Variants in GRIN2B observed in about 807,000 individuals in gnomAD.
GRIN2B encodes the protein glutamate receptor ionotropic, NMDA 2B.
In GRIN2B, 5 loss-of-function variants were observed where a neutral mutation model predicts 114.5. The ratio of observed to expected loss-of-function variants is 0.04; its 90% confidence interval spans 0.02 to 0.09. The LOEUF (loss-of-function observed/expected upper bound fraction) is 0.09, where lower values mean the gene tolerates loss of function less well. Among genes scored for constraint, GRIN2B ranks in the 10% least tolerant of loss-of-function variants. The probability of loss-of-function intolerance (pLI) is 1.00; values close to 1 mark genes in which losing one functional copy is unlikely to be tolerated. For missense variants in GRIN2B, 1,108 were observed against 1,943.5 expected (o/e 0.57, Z 8.08); for synonymous variants, 787 against 745.1 (o/e 1.06, Z -0.92).
chr12:13,781,626 T>G (rs1312710689), intron 3 of GRIN2B, among the ~76,000 whole-genome samples: 1 of 152,196 alleles, frequency 6.6e-6, no homozygotes, highest in African/African-American at 2.4e-5. Context: ...CTGCCTGAGA[T>G]GTATAATGCA....
intron 10 of GRIN2B, among the ~76,000 whole-genome samples, chr12:13,580,580 T>C (rs566365306): frequency 5.9e-5 from 9 of 152,358 alleles, no homozygotes; most frequent in African/African-American, 2.2e-4. Context: ...GAGATGTGAA[T>C]GGCTTTGGGC....
chr12:13,820,763 T>G (rs1468455646), intron 3 of GRIN2B, among the ~76,000 whole-genome samples: 2 of 152,180 alleles, frequency 1.3e-5, no homozygotes, highest in African/African-American at 2.4e-5. Context: ...AAGGAAATCC[T>G]TCCTCCTTTT....
intron 2 of GRIN2B, among the ~76,000 whole-genome samples, chr12:13,908,740 A>G (rs1238742897): frequency 6.6e-6 from 1 of 152,208 alleles, no homozygotes; most frequent in Non-Finnish European, 1.5e-5. Context: ...CTCAAGTTAA[A>G]TAACACTACT....
intron 3 of GRIN2B, among the ~76,000 whole-genome samples, chr12:13,861,019 A>G (rs1865742743): frequency 6.6e-6 from 1 of 152,192 alleles, no homozygotes; most frequent in South Asian, 2.1e-4. Flanking sequence ...GTACTGCCCT[A>G]AAATCTTCCA....
chr12:13,736,138 G>A (rs1248775654), intron 4 of GRIN2B, among the ~76,000 whole-genome samples: 6 of 16,664 alleles, frequency 3.6e-4, no homozygotes, highest in African/African-American at 1.2e-3. Context: ...AGAAAAGCGG[G>A]GGGGGGGGGG....
chr12:13,861,794 C>T (rs994128488), intron 3 of GRIN2B, among the ~76,000 whole-genome samples: 8 of 152,142 alleles, frequency 5.3e-5, no homozygotes, highest in Non-Finnish European at 1.0e-4. Context: ...GTTTTTTCTA[C>T]AATGGTCCAT....
At chr12:13,856,801 C>G (rs546979527) in intron 3 of GRIN2B, among the ~76,000 whole-genome samples, 5 of 152,168 alleles carry the variant, frequency 3.3e-5, no homozygotes, top group Non-Finnish European at 7.3e-5. Flanking sequence ...CTCATCCACT[C>G]TCATGGTTTC....
chr12:13,825,496 TTGTGTGTGTGTGTG>T (rs55893904), intron 3 of GRIN2B, among the ~76,000 whole-genome samples: 101 of 122,966 alleles, frequency 8.2e-4, no homozygotes, highest in African/African-American at 2.9e-3. Flanking sequence ...TATATATATT[TTGTGTGTGTGTGTG>T]TGTGTGTGTG....
At chr12:13,751,873 T>G (rs10845839) in intron 4 of GRIN2B, among the ~76,000 whole-genome samples, 13,058 of 152,118 alleles carry the variant, frequency 0.086, 669 homozygotes, top group East Asian at 0.2. Context: ...ATTTAAGGGA[T>G]GCATAAAACA....
At chr12:13,931,580 T>C (rs562593128) in intron 2 of GRIN2B, among the ~76,000 whole-genome samples, 2 of 150,084 alleles carry the variant, frequency 1.3e-5, no homozygotes, top group South Asian at 4.1e-4. Context: ...ATCTCTATGC[T>C]GACAGCTCCC....
chr12:13,850,459 G>A (rs183514571), intron 3 of GRIN2B, among the ~76,000 whole-genome samples: 1 of 152,130 alleles, frequency 6.6e-6, no homozygotes, highest in Admixed American at 6.5e-5. Flanking sequence ...CTAGAGTTTG[G>A]AGAGAATTGG....
chr12:13,861,948 T>C (rs1397767947), intron 3 of GRIN2B, among the ~76,000 whole-genome samples: 1 of 152,178 alleles, frequency 6.6e-6, no homozygotes, highest in Non-Finnish European at 1.5e-5. Context: ...CCTCATTTAA[T>C]CCTCGACAAC....
chr12:13,846,314 G>A (rs546788891), intron 3 of GRIN2B, among the ~76,000 whole-genome samples: 158 of 152,250 alleles, frequency 1.0e-3, no homozygotes, highest in South Asian at 4.4e-3. Flanking sequence ...CATACCATCC[G>A]CTACATTGCC....
chr12:13,891,852 A>C (rs1017995166), intron 2 of GRIN2B, among the ~76,000 whole-genome samples: 11 of 152,236 alleles, frequency 7.2e-5, no homozygotes, highest in Non-Finnish European at 1.0e-4. Context: ...CTACTGAAGA[A>C]GCCAATCAAA....
rs1001806604 is a variant in GRIN2B at position 13,546,678 on chromosome 12, C to T, written c.*16105G>A. The T allele has an allele frequency of 1.3e-5, 2 of 152,250 alleles. No homozygotes were observed. Among genetic ancestry groups the T allele is most frequent in the South Asian group, 2.1e-4 (1 of 4,824 alleles). The allele number at this position is 152,250 out of a possible 1,614,324, so 9.4% of individuals were successfully genotyped here. ...AATATTAATGGTTAAAAATAACATG[C>T]AACAACTCACTGGGCGAGAAATTTA... On this transcript the variant is annotated 3_prime_UTR_variant, in exon 14 of 14. Coordinates refer to ENST00000609686, the MANE Select transcript of GRIN2B (RefSeq NM_000834.5).
intron 3 of GRIN2B, among the ~76,000 whole-genome samples, chr12:13,843,206 G>A (rs1160123576): frequency 6.0e-5 from 9 of 149,296 alleles, no homozygotes; most frequent in Admixed American, 4.0e-4. Flanking sequence ...CTTTTCTTAT[G>A]TTCTCCTGAA....
At position 13,549,187 on chromosome 12, in the gene GRIN2B, A is replaced by C. The variant is rs370937927; in HGVS notation, c.*13596T>G. On this transcript the variant is annotated 3_prime_UTR_variant, in exon 14 of 14. Transcript: ENST00000609686. ...CATAAGTGAACAGGTGGGTTGTAAGAGAAGGTTGTTGCAAGATTCTCTGAT... is the reference window on the plus strand; with the variant it reads ...CATAAGTGAACAGGTGGGTTGTAAGCGAAGGTTGTTGCAAGATTCTCTGAT... 16 of 152,276 alleles carry C rather than the reference A, an allele frequency of 1.1e-4. No individual in the cohort carries two copies. The highest frequency in any genetic ancestry group is 3.9e-4 in the African/African-American group (16 of 41,540). The allele number at this position is 152,276 out of a possible 1,614,324, so 9.4% of individuals were successfully genotyped here. A position where few individuals can be genotyped will look rare whatever the true frequency, so the allele number is the denominator to read the frequency against.
intron 4 of GRIN2B, among the ~76,000 whole-genome samples, chr12:13,704,768 G>C (rs577530091): frequency 6.6e-6 from 1 of 152,092 alleles, no homozygotes; most frequent in African/African-American, 2.4e-5. Flanking sequence ...AATTAATACA[G>C]GTAAAAGGAC....
chr12:13,680,436 TTGTGTGTGTGTGTGTGTG>T (rs56755720), intron 4 of GRIN2B, among the ~76,000 whole-genome samples: 1,238 of 123,556 alleles, frequency 0.01, 18 homozygotes, highest in African/African-American at 0.034. Flanking sequence ...CCCATCAAGG[TTGTGTGTGTGTGTGTGTG>T]TGTGTGTGTG....
Sources: gnomAD v4.1 joint callset for allele counts (sites outside exome capture counted in the v4.1 genomes callset) on GRCh38, gnomAD v4.1.1 for gene constraint, MANE v1.5 for transcripts, NCBI Gene and HGNC (gene_info 2026-07-23, HGNC 2026-07-21) for gene names.